ADGRF1: variants seen among roughly 807,000 people sequenced by gnomAD.
The protein encoded by ADGRF1 is G protein-coupled receptor 110.
In ADGRF1, 85 loss-of-function variants were observed where a neutral mutation model predicts 87.2. That is an observed-to-expected ratio of 0.97 (90% CI 0.82 to 1.17). The LOEUF (loss-of-function observed/expected upper bound fraction) is 1.17. ADGRF1 is among the 50% of genes most tolerant of loss of function. The probability of loss-of-function intolerance (pLI) is 0.00; values close to 1 mark genes in which losing one functional copy is unlikely to be tolerated. For synonymous variants in ADGRF1, 430 were observed against 408.8 expected (o/e 1.05, Z -0.63); for missense variants, 1,169 against 1,077.2 (o/e 1.09, Z -1.19).
At chr6:47,003,140 G>T (rs1195041527) in intron 13 of ADGRF1, among the ~76,000 whole-genome samples, 2 of 151,314 alleles carry the variant, frequency 1.3e-5, no homozygotes, top group Non-Finnish European at 2.9e-5. Flanking sequence ...ACTAGTTGAG[G>T]TTATGATGGG....
intron 13 of ADGRF1, among the ~76,000 whole-genome samples, chr6:47,005,341 A>G (rs1467850964): frequency 6.6e-6 from 1 of 152,188 alleles, no homozygotes; most frequent in Non-Finnish European, 1.5e-5. Flanking sequence ...GCAGCCTAAA[A>G]AAAGAAAATT....
At chr6:47,035,783 C>T (rs575753309) in intron 1 of ADGRF1, among the ~76,000 whole-genome samples, 25 of 152,204 alleles carry the variant, frequency 1.6e-4, no homozygotes, top group Non-Finnish European at 2.4e-4. Context: ...GAAGAACGTA[C>T]ATTTCAAACC....
chr6:47,037,827 A>C (rs1780633382), intron 1 of ADGRF1, among the ~76,000 whole-genome samples: 1 of 151,932 alleles, frequency 6.6e-6, no homozygotes, highest in Non-Finnish European at 1.5e-5. Flanking sequence ...TATGGATTTT[A>C]AACTTAGGGT....
intron 8 of ADGRF1, among the ~76,000 whole-genome samples, 190 bp from the exon 9 acceptor site, chr6:47,015,034 GATGCC>G (rs1779824083): frequency 6.6e-6 from 1 of 152,168 alleles, no homozygotes; most frequent in African/African-American, 2.4e-5. Flanking sequence ...ACTCATTCCT[GATGCC>G]TTACCCTCCC....
chr6:47,030,346 T>G (rs1421902230), intron 1 of ADGRF1, among the ~76,000 whole-genome samples: 2 of 152,164 alleles, frequency 1.3e-5, no homozygotes, highest in Non-Finnish European at 2.9e-5. Context: ...ACCTTCCTGT[T>G]TGCCAAAGAC....
intron 10 of ADGRF1, 112 bp downstream of exon 10, chr6:47,011,895 C>T (rs907430896): frequency 9.8e-6 from 9 of 918,060 alleles, no homozygotes; most frequent in East Asian, 2.7e-5. Flanking sequence ...CACATAAAGA[C>T]GCATACATGG....
In ADGRF1 at chr6:47,009,897, T is replaced by C. The variant is rs1779653238; in HGVS notation, c.1538A>G (p.Tyr513Cys). ...AAATAGGAAAACTTCATTTATGGAATAGTTTTGAATAACCGTGGATATCAC... is the reference window on the plus strand; with the variant it reads ...AAATAGGAAAACTTCATTTATGGAACAGTTTTGAATAACCGTGGATATCAC... ...GPVISTVIQN[Y>C]SINEVFLFFS... The change falls in exon 11 of 15, where the codon TAT (tyrosine) becomes TGT (cysteine). Residue 513 changes from tyrosine (Y) to cysteine (C), a missense_variant. Tyr to Cys is a radical substitution (Grantham distance 194). Transcript: ENST00000371253. 1 of 1,614,128 alleles carries C rather than the reference T, an allele frequency of 6.2e-7. No individual in the cohort carries two copies. Among genetic ancestry groups the C allele is most frequent in the African/African-American group, 1.3e-5 (1 of 75,068 alleles).
intron 11 of ADGRF1, among the ~76,000 whole-genome samples, chr6:47,008,147 G>A (rs1486279662): frequency 6.6e-6 from 1 of 152,208 alleles, no homozygotes; most frequent in Non-Finnish European, 1.5e-5. Context: ...GTAAAGTGAT[G>A]TATTTGAGCC....
At chr6:47,012,946 T>C in intron 9 of ADGRF1, 1 of 597,202 alleles carries the variant, frequency 1.7e-6, no homozygotes, top group Non-Finnish European at 2.1e-6. Context: ...ATTGTTTTTG[T>C]ATCCTTAGTA....
intron 1 of ADGRF1, among the ~76,000 whole-genome samples, chr6:47,036,963 GCATCTGAATTC>G (rs1313390024): frequency 5.3e-5 from 8 of 152,120 alleles, no homozygotes; most frequent in Non-Finnish European, 1.0e-4. Context: ...TTCCTTTCAC[GCATCTGAATTC>G]CAGGCAAACC....
chr6:47,004,200 AG>A (rs1779445888), intron 13 of ADGRF1, among the ~76,000 whole-genome samples: 2 of 152,132 alleles, frequency 1.3e-5, no homozygotes, highest in African/African-American at 4.8e-5. Flanking sequence ...GTTTCTTGGC[AG>A]GAATATTCAT....
At chr6:47,039,425 C>T (rs1308029707) in intron 1 of ADGRF1, among the ~76,000 whole-genome samples, 1 of 152,188 alleles carries the variant, frequency 6.6e-6, no homozygotes, top group Admixed American at 6.5e-5. Flanking sequence ...AATTTTCATT[C>T]TCAACATGCC....
chr6:47,029,008 G>A lies in ADGRF1; in HGVS notation c.54C>T (p.His18=), dbSNP rs781670246. 52 of 1,613,890 alleles carry A rather than the reference G, an allele frequency of 3.2e-5. No individual in the cohort carries two copies. Among genetic ancestry groups the A allele is most frequent in the East Asian group, 4.5e-5 (2 of 44,888 alleles). Residue 18 remains histidine (H), a synonymous_variant, in exon 2 of 15, where the codon CAC becomes CAT. Transcript: ENST00000371253. ...ACCAACTCACCCCCAGGAAGCCACC[G>A]TGGCCGTCAGTGAAGGTGAAGAAAG... ...LISFFTFTDG[H]GGFLGKNDGI... is the part of the protein sequence containing the mutation.
intron 14 of ADGRF1, among the ~76,000 whole-genome samples, chr6:47,000,899 T>C (rs1407430487): frequency 6.8e-6 from 1 of 147,648 alleles, no homozygotes; most frequent in East Asian, 2.0e-4. Context: ...CAACCTTCTC[T>C]CTCCTCCAAG....
At chr6:47,042,169 A>C (rs957103596) in intron 1 of ADGRF1, 22 bp downstream of exon 1, 4 of 152,170 alleles carry the variant, frequency 2.6e-5, no homozygotes, top group Non-Finnish European at 5.9e-5. Flanking sequence ...CTTAGTAATC[A>C]AAGTACAGTT....
intron 1 of ADGRF1, among the ~76,000 whole-genome samples, chr6:47,037,868 G>C (rs1207943326): frequency 6.6e-6 from 1 of 151,978 alleles, no homozygotes; most frequent in African/African-American, 2.4e-5. Context: ...TTGTTTGTTT[G>C]TTTGTGTTTT....
At chr6:47,018,405 C>T (rs1779943498) in intron 7 of ADGRF1, 2 of 1,279,116 alleles carry the variant, frequency 1.6e-6, no homozygotes, top group Admixed American at 4.7e-5. Context: ...AGCTCAAATT[C>T]TTACTACATT....
At chr6:47,025,028 G>A (rs1184198877) in intron 4 of ADGRF1, among the ~76,000 whole-genome samples, 3 of 152,210 alleles carry the variant, frequency 2.0e-5, no homozygotes, top group African/African-American at 4.8e-5. Context: ...GGCCTTATAA[G>A]CAAGATGACA....
chr6:47,020,020 C>T (rs1779996098), intron 7 of ADGRF1: 1 of 991,446 alleles, frequency 1.0e-6, no homozygotes, highest in Non-Finnish European at 1.2e-6. Flanking sequence ...GGCATCATAT[C>T]TCCTGTAGTT....
Sources: gnomAD v4.1 joint callset for allele counts (sites outside exome capture counted in the v4.1 genomes callset) on GRCh38, gnomAD v4.1.1 for gene constraint, MANE v1.5 for transcripts, NCBI Gene and HGNC (gene_info 2026-07-23, HGNC 2026-07-21) for gene names.